ALCAM: variants seen among roughly 807,000 people sequenced by gnomAD.
The protein encoded by ALCAM is activated leukocyte cell adhesion molecule, also known as CD166 antigen.
ALCAM carries 30 observed loss-of-function variants against 70.9 expected under a neutral mutation model. That is an observed-to-expected ratio of 0.42 (90% CI 0.32 to 0.57). The LOEUF is 0.57. ALCAM is among the 20% of genes least tolerant of loss of function. ALCAM has a pLI of 0.11. For synonymous variants in ALCAM, 249 were observed against 242.5 expected (o/e 1.03, Z -0.25); for missense variants, 591 against 695.1 (o/e 0.85, Z 1.68).
chr3:105,520,996 A>T (rs1394273544), intron 2 of ALCAM, among the ~76,000 whole-genome samples: 1 of 152,214 alleles, frequency 6.6e-6, no homozygotes. Context: ...TTGATGGTCA[A>T]ATACTTTACA....
chr3:105,546,109 GT>G (rs1559829420), intron 9 of ALCAM, among the ~76,000 whole-genome samples: 2 of 151,202 alleles, frequency 1.3e-5, no homozygotes, highest in Admixed American at 1.3e-4. Context: ...GGAAAAGGTT[GT>G]GATTGCGATC....
chr3:105,402,997 AGTGCAATT>A (rs1936128745), intron 1 of ALCAM, among the ~76,000 whole-genome samples: 1 of 132,780 alleles, frequency 7.5e-6, no homozygotes, highest in Non-Finnish European at 1.5e-5. Flanking sequence ...CCCAGGCTGG[AGTGCAATT>A]GTGCAATCTC....
intron 1 of ALCAM, among the ~76,000 whole-genome samples, chr3:105,406,642 A>G (rs1936239079): frequency 6.6e-6 from 1 of 152,190 alleles, no homozygotes; most frequent in African/African-American, 2.4e-5. Flanking sequence ...GAACTGGAGG[A>G]ACAAAAACAA....
chr3:105,444,967 A>C (rs1161162315), intron 1 of ALCAM, among the ~76,000 whole-genome samples: 1 of 152,180 alleles, frequency 6.6e-6, no homozygotes, highest in African/African-American at 2.4e-5. Flanking sequence ...CCAGGAGACA[A>C]TCAACAGTTT....
intron 1 of ALCAM, among the ~76,000 whole-genome samples, chr3:105,481,789 T>G (rs1158753315): frequency 6.6e-6 from 1 of 152,128 alleles, no homozygotes; most frequent in Non-Finnish European, 1.5e-5. Flanking sequence ...TAAAGTTATG[T>G]TTTTTCTTTA....
chr3:105,445,500 C>A (rs531351736), intron 1 of ALCAM, among the ~76,000 whole-genome samples: 1 of 151,886 alleles, frequency 6.6e-6, no homozygotes, highest in East Asian at 1.9e-4. Context: ...CATATGGAAC[C>A]ACAAAACACC....
intron 1 of ALCAM, among the ~76,000 whole-genome samples, chr3:105,376,014 T>G (rs1203683273): frequency 6.6e-6 from 1 of 152,144 alleles, no homozygotes; most frequent in Non-Finnish European, 1.5e-5. Context: ...AAGAATACTT[T>G]CACTTAGAGC....
At chr3:105,564,180 A>G (rs478259) in intron 14 of ALCAM, among the ~76,000 whole-genome samples, 22,525 of 152,122 alleles carry the variant, frequency 0.15, 1,839 homozygotes, top group Admixed American at 0.27. Flanking sequence ...GATTAGGTTA[A>G]GGTGAATCAT....
At chr3:105,497,539 T>C (rs1395288589) in intron 1 of ALCAM, among the ~76,000 whole-genome samples, 1 of 152,224 alleles carries the variant, frequency 6.6e-6, no homozygotes, top group Non-Finnish European at 1.5e-5. Flanking sequence ...GATAGTCTCC[T>C]GATGTCTACA....
intron 1 of ALCAM, among the ~76,000 whole-genome samples, chr3:105,378,256 C>T (rs948749562): frequency 7.3e-5 from 11 of 151,634 alleles, no homozygotes; most frequent in Non-Finnish European, 1.3e-4. Flanking sequence ...AATTATATGC[C>T]GAAAGTAATA....
At chr3:105,548,351 C>T (rs1387734356) in intron 11 of ALCAM, among the ~76,000 whole-genome samples, 1 of 151,308 alleles carries the variant, frequency 6.6e-6, no homozygotes, top group Admixed American at 6.6e-5. Context: ...TCTCCCTCTT[C>T]TCAGTATAAT....
chr3:105,406,131 C>G (rs1376912339), intron 1 of ALCAM, among the ~76,000 whole-genome samples: 1 of 152,154 alleles, frequency 6.6e-6, no homozygotes, highest in Non-Finnish European at 1.5e-5. Flanking sequence ...AGGTCTGAGT[C>G]CTGAAGACCT....
At chr3:105,414,592 A>G (rs1936464464) in intron 1 of ALCAM, among the ~76,000 whole-genome samples, 1 of 152,138 alleles carries the variant, frequency 6.6e-6, no homozygotes, top group African/African-American at 2.4e-5. Context: ...GCATGAACAA[A>G]GAAAGACTTG....
chr3:105,431,897 C>A (rs1314380394), intron 1 of ALCAM, among the ~76,000 whole-genome samples: 2 of 152,110 alleles, frequency 1.3e-5, no homozygotes, highest in Non-Finnish European at 2.9e-5. Flanking sequence ...TTCAATTCTG[C>A]ACTCATTTTA....
intron 15 of ALCAM, among the ~76,000 whole-genome samples, chr3:105,572,536 A>G (rs1319725069): frequency 6.6e-6 from 1 of 152,200 alleles, no homozygotes; most frequent in Non-Finnish European, 1.5e-5. Context: ...CAGTGCTGCA[A>G]TAAACATACA....
intron 1 of ALCAM, among the ~76,000 whole-genome samples, chr3:105,444,701 G>A (rs962755236): frequency 6.6e-6 from 1 of 152,128 alleles, no homozygotes; most frequent in Non-Finnish European, 1.5e-5. Flanking sequence ...GAACCAAAAT[G>A]CTTAATAATA....
intron 1 of ALCAM, among the ~76,000 whole-genome samples, chr3:105,390,427 C>A (rs1935787716): frequency 6.6e-6 from 1 of 151,942 alleles, no homozygotes; most frequent in South Asian, 2.1e-4. Flanking sequence ...TATCCTTTGC[C>A]CACTTTTTAA....
At chr3:105,450,738 G>C (rs1156903920) in intron 1 of ALCAM, among the ~76,000 whole-genome samples, 1 of 152,086 alleles carries the variant, frequency 6.6e-6, no homozygotes, top group Non-Finnish European at 1.5e-5. Flanking sequence ...AATTTGTAGA[G>C]AAAACGAAGA....
intron 6 of ALCAM, among the ~76,000 whole-genome samples, chr3:105,537,462 C>T (rs1939999049): frequency 6.6e-6 from 1 of 152,088 alleles, no homozygotes. Flanking sequence ...AATATCCTTC[C>T]CCCTCCCCCA....
Sources: allele counts gnomAD v4.1 joint callset (sites outside exome capture counted in the v4.1 genomes callset), GRCh38; gene constraint gnomAD v4.1.1; transcripts MANE v1.5; gene names NCBI Gene and HGNC (gene_info 2026-07-23, HGNC 2026-07-21).